PRDM10: variants seen among roughly 807,000 people sequenced by gnomAD.
The protein encoded by PRDM10 is PR domain zinc finger protein 10.
In PRDM10, 65 loss-of-function variants were observed where a neutral mutation model predicts 133.1. The ratio of observed to expected loss-of-function variants is 0.49; its 90% confidence interval spans 0.40 to 0.60. The LOEUF (loss-of-function observed/expected upper bound fraction) is 0.60, where lower values mean the gene tolerates loss of function less well. Among genes scored for constraint, PRDM10 ranks in the 20% least tolerant of loss-of-function variants. The probability of loss-of-function intolerance (pLI) is 0.00; values close to 1 mark genes in which losing one functional copy is unlikely to be tolerated. For synonymous variants in PRDM10, 582 were observed against 580.4 expected (o/e 1.00, Z -0.04); for missense variants, 1,137 against 1,507.1 (o/e 0.75, Z 4.07).
intron 1 of PRDM10, among the ~76,000 whole-genome samples, chr11:129,976,661 C>A (rs1937774687): frequency 6.6e-6 from 1 of 152,078 alleles, no homozygotes; most frequent in Admixed American, 6.5e-5. Flanking sequence ...AAATAAAGAG[C>A]TTCTATTATG....
intron 6 of PRDM10, among the ~76,000 whole-genome samples, chr11:129,944,523 T>G (rs1281096905): frequency 6.7e-6 from 1 of 150,342 alleles, no homozygotes; most frequent in Non-Finnish European, 1.5e-5. Flanking sequence ...AGGCGGAGCT[T>G]GCAGTGAGCC....
chr11:129,924,478 A>C (rs1950615122), intron 12 of PRDM10, among the ~76,000 whole-genome samples: 2 of 152,204 alleles, frequency 1.3e-5, no homozygotes, highest in African/African-American at 2.4e-5. Flanking sequence ...GTTTCCTTCC[A>C]AAATGTATGG....
intron 5 of PRDM10, among the ~76,000 whole-genome samples, chr11:129,946,889 C>T (rs149421223): frequency 7.9e-4 from 120 of 152,254 alleles, no homozygotes; most frequent in Non-Finnish European, 1.5e-3. Context: ...GATGCCCCTT[C>T]GTCCCTGTGT....
intron 18 of PRDM10, among the ~76,000 whole-genome samples, chr11:129,911,409 C>T (rs940551949): frequency 6.6e-6 from 1 of 152,190 alleles, no homozygotes; most frequent in African/African-American, 2.4e-5. Context: ...GGTGAAGAGG[C>T]CCACTCCTGA....
chr11:129,997,270 A>G (rs1191542399), intron 1 of PRDM10, among the ~76,000 whole-genome samples: 1 of 152,214 alleles, frequency 6.6e-6, no homozygotes, highest in Admixed American at 6.5e-5. Context: ...CTTGAGCCAC[A>G]GGAGTTCCAG....
intron 18 of PRDM10, among the ~76,000 whole-genome samples, chr11:129,911,150 C>A (rs1950177312): frequency 6.6e-6 from 1 of 152,156 alleles, no homozygotes; most frequent in Non-Finnish European, 1.5e-5. Flanking sequence ...CTATGAAATT[C>A]TAATTTGCTT....
chr11:129,902,697 A>G (rs1316195559), intron 20 of PRDM10, among the ~76,000 whole-genome samples, 181 bp from the exon 21 acceptor site: 1 of 152,166 alleles, frequency 6.6e-6, no homozygotes, highest in Non-Finnish European at 1.5e-5. Context: ...CGACAAAGAT[A>G]AGCTCCTTAA....
chr11:129,970,589 G>A (rs557961786), intron 1 of PRDM10, among the ~76,000 whole-genome samples: 1 of 150,862 alleles, frequency 6.6e-6, no homozygotes, highest in South Asian at 2.1e-4. Flanking sequence ...TTGTTGCCCA[G>A]GATGGAGTGC....
chr11:129,947,300 G>C lies in PRDM10; in HGVS notation c.365C>G (p.Thr122Ser). ...CAGTCTGCCTAGAGGGGTCTGCAGA[G>C]TTGCCAAAGGGTCGGACCCATCTAC... ...ESVDGSDPLA[T>S]LQTPLGRLEA... Residue 122 changes from threonine (T) to serine (S), a missense_variant, in exon 5 of 21, where the codon ACT (threonine) becomes AGT (serine). Thr to Ser is a moderately conservative substitution (Grantham distance 58, BLOSUM62 1). Transcript: ENST00000360871. This position sits in a 1 kb window ranked among gnomAD's most constrained non-coding sequence, Gnocchi z 4.6. 1 of 1,613,856 alleles carries C rather than the reference G, an allele frequency of 6.2e-7. No individual in the cohort carries two copies. The highest frequency in any genetic ancestry group is 8.5e-7 in the Non-Finnish European group (1 of 1,179,920).
chr11:129,910,272 C>T (rs893478527), intron 19 of PRDM10, among the ~76,000 whole-genome samples: 2 of 152,150 alleles, frequency 1.3e-5, no homozygotes, highest in Non-Finnish European at 2.9e-5. Context: ...CCTGACGTTT[C>T]GAAAATGTCC....
intron 1 of PRDM10, among the ~76,000 whole-genome samples, chr11:130,001,238 A>T (rs1939354602): frequency 6.6e-6 from 1 of 152,176 alleles, no homozygotes. Context: ...ACAAATAAGT[A>T]CTGCTCATCA....
At position 129,925,295 on chromosome 11, in the gene PRDM10, T is replaced by A. The variant is rs1950643251; in HGVS notation, c.1531-66A>T. On this transcript the variant is annotated intron_variant, in intron 11 of 20. Transcript: ENST00000360871. ...TAAGAGTGCAACTGGATCACACTTT[T>A]ACAGAGAAAGAGAGGATGATCTCTG... 6 of 1,411,426 alleles carry A rather than the reference T, an allele frequency of 4.3e-6. No homozygotes were observed. In the South Asian group the frequency reaches 8.2e-5, roughly 19 times the overall value. The allele number at this position is 1,411,426 out of a possible 1,614,324, so 87.4% of individuals were successfully genotyped here.
chr11:129,989,945 G>C (rs186920611), intron 1 of PRDM10, among the ~76,000 whole-genome samples: 103 of 152,270 alleles, frequency 6.8e-4, no homozygotes, highest in African/African-American at 2.2e-3. Context: ...GCTCATGCCT[G>C]TAATCCCAGC....
intron 1 of PRDM10, among the ~76,000 whole-genome samples, chr11:129,991,846 G>A (rs1167934952): frequency 6.7e-6 from 1 of 149,522 alleles, no homozygotes; most frequent in Non-Finnish European, 1.5e-5. Context: ...TAACCGGCCT[G>A]GTGGCGGGTG....
At position 129,926,284 on chromosome 11, in the gene PRDM10, G is replaced by A. The variant is rs139672663; in HGVS notation, c.1531-1055C>T. Reference sequence around the variant, plus strand: ...ACTCATGCTCTACTGACAGCAGATCGACAAAATCACCTCACACAGAGAATG... The same window carrying A: ...ACTCATGCTCTACTGACAGCAGATCAACAAAATCACCTCACACAGAGAATG... On this transcript the variant is annotated intron_variant, in intron 11 of 20. Coordinates refer to ENST00000360871, the MANE Select transcript of PRDM10 (RefSeq NM_199437.2). Among the ~76,000 whole-genome samples, 208 of 152,206 alleles carry A rather than the reference G, an allele frequency of 1.4e-3. 1 individual carries two copies. The highest frequency in any genetic ancestry group is 4.3e-3 in the African/African-American group (179 of 41,522).
intron 9 of PRDM10, among the ~76,000 whole-genome samples, chr11:129,933,697 T>C (rs1324352384): frequency 6.6e-6 from 1 of 152,126 alleles, no homozygotes; most frequent in Non-Finnish European, 1.5e-5. Flanking sequence ...AAAAGGGAGC[T>C]GGCATATAAA....
At chr11:129,995,091 G>A (rs2136002805) in intron 1 of PRDM10, among the ~76,000 whole-genome samples, 1 of 152,308 alleles carries the variant, frequency 6.6e-6, no homozygotes, top group South Asian at 2.1e-4. Context: ...TAAAGTACTT[G>A]AGAGAACTTG....
At chr11:129,949,076 T>A (rs1951509889) in intron 4 of PRDM10, among the ~76,000 whole-genome samples, 1 of 152,236 alleles carries the variant, frequency 6.6e-6, no homozygotes, top group African/African-American at 2.4e-5. Flanking sequence ...GATCCAGACA[T>A]CTCACACATT....
At chr11:129,935,246 G>C (rs747802434) in intron 8 of PRDM10, 28 bp from the exon 9 acceptor site, 5 of 1,558,478 alleles carry the variant, frequency 3.2e-6, no homozygotes. Context: ...AAATCATAAA[G>C]GCTGATGACC....
Sources: gnomAD v4.1 joint callset for allele counts (sites outside exome capture counted in the v4.1 genomes callset) on GRCh38, gnomAD v4.1.1 for gene constraint, Gnocchi (gnomAD v3.1) non-coding constraint, MANE v1.5 for transcripts, NCBI Gene and HGNC (gene_info 2026-07-23, HGNC 2026-07-21) for gene names.